PTPRE: variants seen among roughly 807,000 people sequenced by gnomAD.
The protein encoded by PTPRE is protein tyrosine phosphatase receptor type E, also known as receptor-type tyrosine-protein phosphatase epsilon.
In PTPRE, 51 loss-of-function variants were observed where a neutral mutation model predicts 102.0. That is an observed-to-expected ratio of 0.50 (90% confidence interval 0.40 to 0.63). The LOEUF (loss-of-function observed/expected upper bound fraction) is 0.63. Ranked by LOEUF, PTPRE falls within the 30% of genes least tolerant of loss-of-function variation. The pLI is 0.00. For synonymous variants in PTPRE, 345 were observed against 348.2 expected (o/e 0.99, Z 0.10); for missense variants, 752 against 915.1 (o/e 0.82, Z 2.30).
At chr10:128,021,095 C>T (rs533990737) in intron 2 of PTPRE, among the ~76,000 whole-genome samples, 1 of 152,184 alleles carries the variant, frequency 6.6e-6, no homozygotes, top group East Asian at 1.9e-4. Flanking sequence ...TGGAGTTTCG[C>T]CGTGTTAGCC....
chr10:128,064,107 T>TG (rs1849851494), intron 10 of PTPRE, among the ~76,000 whole-genome samples: 1 of 151,970 alleles, frequency 6.6e-6, no homozygotes, highest in Non-Finnish European at 1.5e-5. Flanking sequence ...GCGAGGACTG[T>TG]GGGGAAGGGC....
chr10:128,073,608 G>A, intron 17 of PTPRE, 137 bp downstream of exon 17: 1 of 1,136,310 alleles, frequency 8.8e-7, no homozygotes, highest in Non-Finnish European at 1.2e-6. Flanking sequence ...TAGGGAAGGA[G>A]AGAGATTGGA....
chr10:128,001,638 TG>T (rs1853908133), intron 2 of PTPRE, among the ~76,000 whole-genome samples: 1 of 152,200 alleles, frequency 6.6e-6, no homozygotes, highest in African/African-American at 2.4e-5. Context: ...TCAGGTCCCC[TG>T]TTCCTGGAGG....
intron 1 of PTPRE, among the ~76,000 whole-genome samples, chr10:127,971,548 C>T (rs975998054): frequency 6.6e-5 from 10 of 152,318 alleles, no homozygotes; most frequent in African/African-American, 1.4e-4. Flanking sequence ...TTGCTGTCCT[C>T]GCAGGTACTA....
chr10:128,076,870 TG>T (rs1464442009), intron 18 of PTPRE, 142 bp downstream of exon 18: 31 of 1,212,396 alleles, frequency 2.6e-5, no homozygotes, highest in Non-Finnish European at 1.0e-5. Context: ...GAATGGCCAA[TG>T]GGTTTCAGAG....
At position 127,921,814 on chromosome 10, in the gene PTPRE, T is replaced by G. The variant is rs137859726; in HGVS notation, c.-31+14505T>G. ...CAGGGTGGAGAATGCCAGGGTCTTC[T>G]GTAGGGTCCCAGAATGAGGTCAGGA... is the stretch of plus-strand genomic sequence containing the variant. On this transcript the variant is annotated intron_variant, in intron 1 of 20. Transcript: ENST00000254667. Among the ~76,000 whole-genome samples, 226 of 152,280 alleles carry G rather than the reference T, an allele frequency of 1.5e-3. No homozygotes were observed. In the East Asian group the frequency reaches 0.02, roughly 13 times the overall value.
At chr10:127,913,645 G>C (rs1232323999) in intron 1 of PTPRE, among the ~76,000 whole-genome samples, 1 of 152,152 alleles carries the variant, frequency 6.6e-6, no homozygotes, top group South Asian at 2.1e-4. Flanking sequence ...TGACTCCTCG[G>C]CTAACATGCA....
chr10:127,962,830 T>C (rs1029555096), intron 1 of PTPRE, among the ~76,000 whole-genome samples: 13 of 152,138 alleles, frequency 8.5e-5, no homozygotes, highest in African/African-American at 2.4e-4. Context: ...GCCCCCGCAA[T>C]GTCCACGGTG....
chr10:127,930,311 C>T (rs1416790343), intron 1 of PTPRE, among the ~76,000 whole-genome samples: 1 of 152,014 alleles, frequency 6.6e-6, no homozygotes, highest in African/African-American at 2.4e-5. Flanking sequence ...ACCCTGGTAT[C>T]CACTGATCTA....
intron 9 of PTPRE, among the ~76,000 whole-genome samples, chr10:128,062,709 C>T (rs1015849387): frequency 6.6e-6 from 1 of 152,206 alleles, no homozygotes; most frequent in Non-Finnish European, 1.5e-5. Context: ...AAGATTTTGA[C>T]AAAGAGGAGG....
intron 10 of PTPRE, among the ~76,000 whole-genome samples, chr10:128,063,592 G>A (rs921752194): frequency 1.3e-5 from 2 of 152,132 alleles, no homozygotes; most frequent in African/African-American, 4.8e-5. Context: ...GAAAACGTTG[G>A]TATATTGAAG....
At chr10:128,067,946 C>A (rs1850417743) in intron 11 of PTPRE, among the ~76,000 whole-genome samples, 177 bp from the exon 12 acceptor site, 1 of 152,210 alleles carries the variant, frequency 6.6e-6, no homozygotes, top group African/African-American at 2.4e-5. Flanking sequence ...AGCACATGTT[C>A]AGAGTCGGCA....
At chr10:127,923,548 C>T (rs1488100190) in intron 1 of PTPRE, among the ~76,000 whole-genome samples, 4 of 151,970 alleles carry the variant, frequency 2.6e-5, no homozygotes, top group African/African-American at 4.8e-5. Context: ...GGATTACAGG[C>T]GCCCGCCACC....
rs368295510 is a variant in PTPRE, at chr10:128,035,560, T to C, written c.-7-5315T>C. Among the ~76,000 whole-genome samples, 5 of 152,336 alleles carry C rather than the reference T, an allele frequency of 3.3e-5. No homozygotes were observed. In the East Asian group the frequency reaches 7.7e-4, roughly 24 times the overall value. ...AAACCTGAGTATGGCTCCCAAATCA[T>C]TGTCTCCTGCTTCCTTGAGAAGAAC... is the stretch of plus-strand genomic sequence containing the variant. On this transcript the variant is annotated intron_variant, in intron 2 of 20. Coordinates refer to ENST00000254667, the MANE Select transcript of PTPRE (RefSeq NM_006504.6).
chr10:127,993,459 TG>T (rs886599997), intron 2 of PTPRE, among the ~76,000 whole-genome samples: 1 of 151,928 alleles, frequency 6.6e-6, no homozygotes. Flanking sequence ...CAGACGGGGA[TG>T]GGGGGCCAGG....
At chr10:128,014,750 G>A (rs996734705) in intron 2 of PTPRE, among the ~76,000 whole-genome samples, 5 of 152,102 alleles carry the variant, frequency 3.3e-5, no homozygotes, top group Non-Finnish European at 7.3e-5. Context: ...GCTTGTTGGC[G>A]CTCCCAGTGA....
chr10:128,038,127 G>A (rs1847385012), intron 2 of PTPRE, among the ~76,000 whole-genome samples: 1 of 152,134 alleles, frequency 6.6e-6, no homozygotes, highest in Non-Finnish European at 1.5e-5. Flanking sequence ...ACTGTTTCAA[G>A]CATCATTTGG....
chr10:128,079,711 A>T lies in PTPRE; in HGVS notation c.2028+16A>T, dbSNP rs200844115. Reference sequence around the variant, plus strand: ...GCAAACCCTGGTAAGAATCTGAATAAGGATGTTACCAGAAGAGTGGAGAAT... The same window carrying T: ...GCAAACCCTGGTAAGAATCTGAATATGGATGTTACCAGAAGAGTGGAGAAT... On this transcript the variant is annotated intron_variant, in intron 20 of 20. Coordinates refer to ENST00000254667, the MANE Select transcript of PTPRE (RefSeq NM_006504.6). The T allele has an allele frequency of 1.0e-4, 162 of 1,607,480 alleles. No individual in the cohort carries two copies. Among genetic ancestry groups the T allele is most frequent in the Non-Finnish European group, 6.8e-6 (8 of 1,174,254 alleles).
At chr10:127,977,698 C>T (rs1378380205) in intron 1 of PTPRE, among the ~76,000 whole-genome samples, 1 of 152,242 alleles carries the variant, frequency 6.6e-6, no homozygotes, top group Non-Finnish European at 1.5e-5. Context: ...TGCACAATAA[C>T]GTCGCTCCGT....
Sources: gnomAD v4.1 joint callset for allele counts (sites outside exome capture counted in the v4.1 genomes callset) on GRCh38, gnomAD v4.1.1 for gene constraint, MANE v1.5 for transcripts, NCBI Gene and HGNC (gene_info 2026-07-23, HGNC 2026-07-21) for gene names.